The following IQCH variants were observed in gnomAD, a reference collection of about 807,000 sequenced individuals.
IQCH encodes the protein IQ motif containing H.
Under a neutral mutation model 117.0 loss-of-function variants are expected in IQCH, and 98 were observed. That is an observed-to-expected ratio of 0.84 (90% CI 0.71 to 0.99). The LOEUF (loss-of-function observed/expected upper bound fraction) is 0.99. Among genes scored for constraint, IQCH ranks in the 50% least tolerant of loss-of-function variants. The pLI, the probability that IQCH is intolerant of heterozygous loss-of-function variation, is 0.00. For missense variants in IQCH, 1,102 were observed against 1,243.8 expected, an observed-to-expected ratio of 0.89 and a Z score of 1.72; for synonymous variants, 412 against 448.2, an observed-to-expected ratio of 0.92 and a Z score of 1.02.
At chr15:67,396,417 T>C (rs1971472832) in intron 13 of IQCH, among the ~76,000 whole-genome samples, 1 of 151,296 alleles carries the variant, frequency 6.6e-6, no homozygotes, top group South Asian at 2.1e-4. Flanking sequence ...TCTGTTTTCG[T>C]TTTGCCTTGG....
chr15:67,385,533 T>G lies in IQCH; in HGVS notation c.1456+514T>G, dbSNP rs1437854262. 6.6e-6 allele frequency among the ~76,000 whole-genome samples: 1 copy of G among 152,120 alleles called. No homozygotes were observed. Among genetic ancestry groups the G allele is most frequent in the Non-Finnish European group, 1.5e-5 (1 of 68,014 alleles). On this transcript the variant is annotated intron_variant, in intron 11 of 20. Coordinates refer to ENST00000335894, the MANE Select transcript of IQCH (RefSeq NM_001031715.3). The surrounding 1 kb of genome is among the most constrained non-coding windows in gnomAD (Gnocchi z 4.6). ...ACGTGAAGTGCTTAATGGAGGGAAT[T>G]TTTAGAAATACAGACCTTGATTCAG... is the stretch of plus-strand genomic sequence containing the variant.
chr15:67,299,198 T>C (rs1966901539), intron 4 of IQCH, among the ~76,000 whole-genome samples: 1 of 152,056 alleles, frequency 6.6e-6, no homozygotes, highest in African/African-American at 2.4e-5. Context: ...TTCTCACTTA[T>C]TTGTGGAAGC....
In IQCH at chr15:67,445,314, AT is replaced by A. The variant is rs1157301391; in HGVS notation, c.2506-19811del. 6.6e-6 allele frequency among the ~76,000 whole-genome samples: 1 copy of A among 152,196 alleles called. No homozygotes were observed. Among genetic ancestry groups the A allele is most frequent in the Non-Finnish European group, 1.5e-5 (1 of 68,030 alleles). ...TTTTGCTTTCTTAAACATAAGATTC[AT>A]TGTGTCCCCTATTGTTCTGAGCCCT... On this transcript the variant is annotated intron_variant, in intron 16 of 20. Transcript: ENST00000335894. The surrounding 1 kb of genome is among the most constrained non-coding windows in gnomAD (Gnocchi z 4.3).
At position 67,496,314 on chromosome 15, in the gene IQCH, C is replaced by T. The variant is rs748717163; in HGVS notation, c.2970+1948C>T. Among the ~76,000 whole-genome samples, 6 of 152,112 alleles carry T rather than the reference C, an allele frequency of 3.9e-5. No individual in the cohort carries two copies. The highest frequency in any genetic ancestry group is 6.5e-5 in the Admixed American group (1 of 15,268). ...AAAAAGGAAGATAATGCAGAAAATGCATTTAACAAAATGTAACATTCTTTT... is the reference window on the plus strand; with the variant it reads ...AAAAAGGAAGATAATGCAGAAAATGTATTTAACAAAATGTAACATTCTTTT... On this transcript the variant is annotated intron_variant, in intron 20 of 20. Transcript: ENST00000335894. This position sits in a 1 kb window ranked among gnomAD's most constrained non-coding sequence, Gnocchi z 4.4.
chr15:67,475,811 A>G lies in IQCH; in HGVS notation c.2792A>G (p.Asp931Gly), dbSNP rs749852877. ...QICRAHGIGY[D>G]VEERQGTVFI... ...TGTAGGGCCCATGGCATTGGCTATG[A>G]TGTTGAGGTATGAAGGGTTACAGTT... Residue 931 changes from aspartate (D) to glycine (G), a missense_variant, in exon 18 of 21, where the codon GAT (aspartate) becomes GGT (glycine). Transcript: ENST00000335894. This position sits in a 1 kb window ranked among gnomAD's most constrained non-coding sequence, Gnocchi z 5.7. The G allele has an allele frequency of 2.5e-5, 41 of 1,613,844 alleles. No individual in the cohort carries two copies. Among genetic ancestry groups the G allele is most frequent in the Non-Finnish European group, 3.4e-5 (40 of 1,179,904 alleles).
intron 4 of IQCH, among the ~76,000 whole-genome samples, chr15:67,323,411 T>G (rs1471229499): frequency 1.8e-4 from 27 of 151,568 alleles, no homozygotes; most frequent in Admixed American, 1.8e-3. Context: ...CCTGGCTAAT[T>G]TTTTGTATTT....
chr15:67,262,749 G>C (rs941403708), intron 2 of IQCH, among the ~76,000 whole-genome samples: 14 of 152,248 alleles, frequency 9.2e-5, no homozygotes, highest in African/African-American at 3.1e-4. Context: ...GCCAGGTGTG[G>C]TGGCATGTGC....
chr15:67,261,962 G>A lies in IQCH; in HGVS notation c.174+568G>A, dbSNP rs372414443. On this transcript the variant is annotated intron_variant, in intron 2 of 20. Transcript: ENST00000335894. ...AAATTAGCCAGGCATGGTGGCACAC[G>A]CCTGTAGTCCCAGCTACTCAGGAGG... Among the ~76,000 whole-genome samples, 106 of 152,144 alleles carry A rather than the reference G, an allele frequency of 7.0e-4. 4 individuals carry two copies. The East Asian group carries it at 0.012, about 17-fold the overall frequency.
chr15:67,355,210 A>C (rs999590628), intron 6 of IQCH, among the ~76,000 whole-genome samples: 4 of 152,154 alleles, frequency 2.6e-5, no homozygotes, highest in Admixed American at 6.6e-5. Context: ...TTAAAATTTA[A>C]CTGCATGTTC....
At chr15:67,336,238 A>G (rs1968886321) in intron 4 of IQCH, among the ~76,000 whole-genome samples, 1 of 146,662 alleles carries the variant, frequency 6.8e-6, no homozygotes, top group African/African-American at 2.8e-5. Flanking sequence ...GTCTATAAAT[A>G]CCAAACTATA....
chr15:67,300,932 G>A (rs1966994869), intron 4 of IQCH, among the ~76,000 whole-genome samples: 2 of 152,120 alleles, frequency 1.3e-5, no homozygotes, highest in Non-Finnish European at 2.9e-5. Context: ...TGAGCTCCCT[G>A]CTTCTGTGCA....
chr15:67,372,240 T>C lies in IQCH; in HGVS notation c.883T>C (p.Trp295Arg). ...ATTCAAGGAACATTTTAGCTTAGCT[T>C]GGGGAGGTATTTTTTCTCTCTTGGA... ...LAFKEHFSLA[W>R]GGIFSLLEHV... The change falls in exon 9 of 21, where the codon TGG becomes CGG. Residue 295 changes from tryptophan to arginine, a missense_variant. Trp to Arg is a moderately radical substitution (Grantham distance 101, BLOSUM62 -3). Transcript: ENST00000335894. The C allele has an allele frequency of 6.2e-7, 1 of 1,614,048 alleles. No homozygotes were observed. The highest frequency in any genetic ancestry group is 2.2e-5 in the East Asian group (1 of 44,872).
At chr15:67,412,644 C>A (rs1019961384) in intron 14 of IQCH, among the ~76,000 whole-genome samples, 1 of 152,062 alleles carries the variant, frequency 6.6e-6, no homozygotes, top group African/African-American at 2.4e-5. Flanking sequence ...AGTGATCCAC[C>A]CACCTCGGCC....
rs1971241138 is a variant in IQCH at position 67,390,242 on chromosome 15, T to C, written c.1632+1236T>C. On this transcript the variant is annotated intron_variant, in intron 12 of 20. Coordinates refer to ENST00000335894, the MANE Select transcript of IQCH (RefSeq NM_001031715.3). This position sits in a 1 kb window ranked among gnomAD's most constrained non-coding sequence, Gnocchi z 5.0. The stretch of plus-strand genomic sequence containing the variant: ...GGTGCTTCCTAGTTATTGCTTGGCC[T>C]CAATGACATAGTTACTATGGACATT... Among the ~76,000 whole-genome samples, 1 of 152,164 alleles carries C rather than the reference T, an allele frequency of 6.6e-6. No homozygotes were observed.
intron 5 of IQCH, among the ~76,000 whole-genome samples, chr15:67,340,974 T>C (rs1300798584): frequency 1.3e-5 from 2 of 152,144 alleles, no homozygotes; most frequent in Non-Finnish European, 2.9e-5. Context: ...TTTGGGAGGC[T>C]GTGAAGGTAG....
At chr15:67,452,783 T>C (rs958609947) in intron 16 of IQCH, among the ~76,000 whole-genome samples, 7 of 152,264 alleles carry the variant, frequency 4.6e-5, no homozygotes, top group Non-Finnish European at 1.0e-4. Context: ...CCTTGCTAGA[T>C]TGGGGAAGTT....
intron 12 of IQCH, among the ~76,000 whole-genome samples, chr15:67,394,827 G>A (rs903385118): frequency 6.6e-6 from 1 of 152,092 alleles, no homozygotes; most frequent in Non-Finnish European, 1.5e-5. Flanking sequence ...GGAGGGTGTC[G>A]GGTCAAGTGC....
rs749275471 is a variant in IQCH, at chr15:67,494,408, C to CA, written c.2970+44dup. On this transcript the variant is annotated intron_variant, in intron 20 of 20. Coordinates refer to ENST00000335894, the MANE Select transcript of IQCH (RefSeq NM_001031715.3). This position sits in a 1 kb window ranked among gnomAD's most constrained non-coding sequence, Gnocchi z 5.5. Reference sequence around the variant, plus strand: ...CTAACGATTCTGGTTAATTTCTATACAAGGGCTGAAAATACCTCATGCTGT... The same window carrying CA: ...CTAACGATTCTGGTTAATTTCTATACAAAGGGCTGAAAATACCTCATGCTGT... 7.3e-7 allele frequency: 1 copy of CA among 1,369,430 alleles called. No homozygotes were observed. The highest frequency in any genetic ancestry group is 2.3e-5 in the East Asian group (1 of 43,476). The allele number at this position is 1,369,430 out of a possible 1,614,324, so 84.8% of individuals were successfully genotyped here.
At position 67,501,367 on chromosome 15, in the gene IQCH, G is replaced by A. The variant is rs1306207904; in HGVS notation, c.*621G>A. Reference sequence around the variant, plus strand: ...ATCTAGTTAACCAAAGCATCAGAATGTATCTAGGTGGCAGTATCTGCTCTT... The same window carrying A: ...ATCTAGTTAACCAAAGCATCAGAATATATCTAGGTGGCAGTATCTGCTCTT... On this transcript the variant is annotated 3_prime_UTR_variant, in exon 21 of 21. Transcript: ENST00000335894. The surrounding 1 kb of genome is among the most constrained non-coding windows in gnomAD (Gnocchi z 5.2). The A allele has an allele frequency of 6.6e-6, 1 of 152,160 alleles. No individual in the cohort carries two copies. Among genetic ancestry groups the A allele is most frequent in the Non-Finnish European group, 1.5e-5 (1 of 68,032 alleles). 9.4% of individuals were successfully genotyped at this position (152,160 alleles called of 1,614,324 possible). A position where few individuals can be genotyped will look rare whatever the true frequency, so the allele number is the denominator to read the frequency against.
Sources: gnomAD v4.1 joint callset for allele counts (sites outside exome capture counted in the v4.1 genomes callset) on GRCh38, gnomAD v4.1.1 for gene constraint, Gnocchi (gnomAD v3.1) non-coding constraint, MANE v1.5 for transcripts, NCBI Gene and HGNC (gene_info 2026-07-23, HGNC 2026-07-21) for gene names.